RCL1: variants seen among roughly 807,000 people sequenced by gnomAD.
The protein encoded by RCL1 is RNA terminal phosphate cyclase like 1.
In RCL1, 24 loss-of-function variants were observed where a neutral mutation model predicts 42.4. That is an observed-to-expected ratio of 0.57 (90% CI 0.41 to 0.80). The LOEUF (loss-of-function observed/expected upper bound fraction) is 0.80. Ranked by LOEUF, RCL1 falls within the 30% of genes least tolerant of loss-of-function variation. The pLI is 0.00. For synonymous variants in RCL1, 228 were observed against 177.3 expected, an observed-to-expected ratio of 1.29 and a Z score of -2.27; for missense variants, 578 against 467.9, an observed-to-expected ratio of 1.24 and a Z score of -2.17.
At chr9:4,801,319 A>T (rs375954211) in intron 1 of RCL1, among the ~76,000 whole-genome samples, 1 of 152,088 alleles carries the variant, frequency 6.6e-6, no homozygotes, top group Non-Finnish European at 1.5e-5. Context: ...CTACAGGCAC[A>T]TACCATCATG....
rs1293015957 is a variant in RCL1, at chr9:4,845,683, A to G, written c.867+1002A>G. Among the ~76,000 whole-genome samples, 3 of 152,224 alleles carry G rather than the reference A, an allele frequency of 2.0e-5. No homozygotes were observed. In the East Asian group the frequency reaches 5.8e-4, roughly 29 times the overall value. The stretch of plus-strand genomic sequence containing the variant: ...AAGAAGGTGAAACCTTTTCTCTGAC[A>G]TGCAGAGTCCAGGAAAGGCTCTGAA... On this transcript the variant is annotated intron_variant, in intron 7 of 8. Transcript: ENST00000381750.
chr9:4,818,956 T>G (rs1408035010), intron 1 of RCL1, among the ~76,000 whole-genome samples: 2 of 152,146 alleles, frequency 1.3e-5, no homozygotes, highest in African/African-American at 4.8e-5. Flanking sequence ...TAAATAATTA[T>G]TTTAAAAGCA....
intron 1 of RCL1, 50 bp from the exon 2 acceptor site, chr9:4,823,498 A>G (rs760774719): frequency 1.4e-6 from 2 of 1,426,824 alleles, no homozygotes; most frequent in Non-Finnish European, 2.0e-6. Flanking sequence ...TTGACCTGAC[A>G]TGAGGACAGT....
intron 1 of RCL1, among the ~76,000 whole-genome samples, chr9:4,797,497 T>TTGG (rs1360891834): frequency 1.3e-5 from 2 of 152,120 alleles, no homozygotes; most frequent in Non-Finnish European, 2.9e-5. Context: ...TGGGGGACAT[T>TTGG]TGGGAGCATT....
intron 1 of RCL1, among the ~76,000 whole-genome samples, chr9:4,819,653 A>C (rs1004120059): frequency 2.8e-4 from 43 of 152,250 alleles, no homozygotes; most frequent in African/African-American, 1.0e-3. Context: ...CTGAAAATAC[A>C]AAAATTAGCT....
chr9:4,803,844 A>G (rs764967849), intron 1 of RCL1: 2 of 163,156 alleles, frequency 1.2e-5, no homozygotes, highest in Non-Finnish European at 1.4e-5. Context: ...GCAGGGTTGT[A>G]CTTCTGGCAT....
intron 8 of RCL1, among the ~76,000 whole-genome samples, chr9:4,853,763 C>T (rs1253954729): frequency 6.6e-6 from 1 of 151,890 alleles, no homozygotes; most frequent in African/African-American, 2.4e-5. Context: ...CTCTTTCTAT[C>T]TTTAGTTGGA....
At chr9:4,805,712 A>T (rs917655979) in intron 1 of RCL1, among the ~76,000 whole-genome samples, 2 of 151,998 alleles carry the variant, frequency 1.3e-5, no homozygotes, top group African/African-American at 2.4e-5. Flanking sequence ...GGTGCAGTGC[A>T]TGCTGGTGGA....
At chr9:4,817,062 C>G (rs1013292139) in intron 1 of RCL1, among the ~76,000 whole-genome samples, 2 of 152,220 alleles carry the variant, frequency 1.3e-5, no homozygotes, top group Non-Finnish European at 2.9e-5. Context: ...TGTAATCCGC[C>G]TGCCTCGGCC....
intron 1 of RCL1, among the ~76,000 whole-genome samples, chr9:4,805,766 G>A (rs188954688): frequency 6.6e-6 from 1 of 152,218 alleles, no homozygotes; most frequent in Admixed American, 6.5e-5. Context: ...TTGGTGCTGC[G>A]ACTGCCTGCC....
In RCL1 at chr9:4,860,436, C is replaced by T. The variant is rs764582822; in HGVS notation, c.*161C>T. 1.7e-5 allele frequency: 13 copies of T among 786,106 alleles called. No individual in the cohort carries two copies. The highest frequency in any genetic ancestry group is 3.1e-5 in the East Asian group (1 of 32,040). The allele number at this position is 786,106 out of a possible 1,614,324, so 48.7% of individuals were successfully genotyped here. A position where few individuals can be genotyped will look rare whatever the true frequency, so the allele number is the denominator to read the frequency against. On this transcript the variant is annotated 3_prime_UTR_variant, in exon 9 of 9. Coordinates refer to ENST00000381750, the MANE Select transcript of RCL1 (RefSeq NM_005772.5). Reference sequence around the variant, plus strand: ...ATACAAATAAAAGACATCCCTGTAGCATATGGTTTCCAGCTGTTTCTCCAG... The same window carrying T: ...ATACAAATAAAAGACATCCCTGTAGTATATGGTTTCCAGCTGTTTCTCCAG...
At chr9:4,795,504 T>G (rs1842899848) in intron 1 of RCL1, among the ~76,000 whole-genome samples, 1 of 152,164 alleles carries the variant, frequency 6.6e-6, no homozygotes, top group African/African-American at 2.4e-5. Flanking sequence ...CACGCATAAA[T>G]AGATGTAGTC....
At chr9:4,820,779 T>A (rs1345282652) in intron 1 of RCL1, among the ~76,000 whole-genome samples, 5 of 152,196 alleles carry the variant, frequency 3.3e-5, no homozygotes, top group Admixed American at 3.3e-4. Context: ...GTGCCTGATT[T>A]GTAAAGAATG....
chr9:4,833,121 A>T lies in RCL1; in HGVS notation c.385-33A>T, dbSNP rs974259051. ...ACTCTTGTATTCTGCTGAAGGCTTA[A>T]TTAAACTTTTCTTTTCTGAAATAAT... On this transcript the variant is annotated intron_variant, in intron 3 of 8. Coordinates refer to ENST00000381750, the MANE Select transcript of RCL1 (RefSeq NM_005772.5). 6 of 1,505,330 alleles carry T rather than the reference A, an allele frequency of 4.0e-6. No homozygotes were observed. The African/African-American group carries it at 6.9e-5, about 17-fold the overall frequency. The allele number at this position is 1,505,330 out of a possible 1,614,324, so 93.2% of individuals were successfully genotyped here.
intron 8 of RCL1, 76 bp downstream of exon 8, chr9:4,849,626 T>C: frequency 9.2e-7 from 1 of 1,087,098 alleles, no homozygotes; most frequent in East Asian, 2.4e-5. Context: ...AAGGGTGTTG[T>C]GCTGCACAGA....
intron 1 of RCL1, among the ~76,000 whole-genome samples, chr9:4,819,646 A>G (rs1380092160): frequency 6.6e-6 from 1 of 152,162 alleles, no homozygotes; most frequent in African/African-American, 2.4e-5. Flanking sequence ...ATCTCTACTG[A>G]AAATACAAAA....
chr9:4,845,031 C>G (rs185070963), intron 7 of RCL1, among the ~76,000 whole-genome samples: 2 of 152,286 alleles, frequency 1.3e-5, no homozygotes, highest in East Asian at 3.9e-4. Flanking sequence ...TCCCGGCACC[C>G]CCCGATTGCT....
At chr9:4,810,027 G>C (rs1294917067) in intron 1 of RCL1, among the ~76,000 whole-genome samples, 2 of 152,150 alleles carry the variant, frequency 1.3e-5, no homozygotes, top group Non-Finnish European at 2.9e-5. Context: ...ATGTTGGCCA[G>C]GCTGGTCTCG....
At chr9:4,825,427 C>A (rs1026737891) in intron 2 of RCL1, among the ~76,000 whole-genome samples, 3 of 152,090 alleles carry the variant, frequency 2.0e-5, no homozygotes, top group African/African-American at 7.2e-5. Flanking sequence ...GTGGCCCTTA[C>A]AACTATTTCA....
Sources: allele counts gnomAD v4.1 joint callset (sites outside exome capture counted in the v4.1 genomes callset), GRCh38; gene constraint gnomAD v4.1.1; transcripts MANE v1.5; gene names NCBI Gene and HGNC (gene_info 2026-07-23, HGNC 2026-07-21).